Variants in GMPS observed in about 807,000 individuals in gnomAD.
GMPS encodes the protein GMP synthase [glutamine-hydrolyzing].
GMPS carries 15 observed loss-of-function variants against 77.9 expected under a neutral mutation model. The ratio of observed to expected loss-of-function variants is 0.19; its 90% CI spans 0.13 to 0.30. The LOEUF is 0.30. Among genes scored for constraint, GMPS ranks in the 10% least tolerant of loss-of-function variants. The pLI, the probability that GMPS is intolerant of heterozygous loss-of-function variation, is 1.00. For missense variants in GMPS, 590 were observed against 838.8 expected, an observed-to-expected ratio of 0.70 and a Z score of 3.66; for synonymous variants, 224 against 275.9, an observed-to-expected ratio of 0.81 and a Z score of 1.86.
At chr3:155,924,891 T>TA (rs201051032) in intron 11 of GMPS, among the ~76,000 whole-genome samples, 12 of 150,902 alleles carry the variant, frequency 8.0e-5, no homozygotes, top group East Asian at 5.8e-4. Flanking sequence ...ACCAGGTAAA[T>TA]AAAAAAAAAG....
intron 2 of GMPS, 132 bp downstream of exon 2, chr3:155,893,831 G>T: frequency 1.8e-6 from 1 of 558,790 alleles, no homozygotes; most frequent in Non-Finnish European, 3.0e-6. Context: ...AATTTCCCAT[G>T]GCTCTGATTT....
chr3:155,875,692 A>C (rs1703989760), intron 1 of GMPS, among the ~76,000 whole-genome samples: 1 of 152,254 alleles, frequency 6.6e-6, no homozygotes, highest in Non-Finnish European at 1.5e-5. Context: ...TGGCATATAC[A>C]ATTCTGGGTT....
At chr3:155,884,574 T>G (rs895927592) in intron 1 of GMPS, among the ~76,000 whole-genome samples, 2 of 152,122 alleles carry the variant, frequency 1.3e-5, no homozygotes, top group Non-Finnish European at 2.9e-5. Flanking sequence ...AGGGGAAAAT[T>G]GGCGTTGTTT....
chr3:155,894,059 C>G (rs1754535853), intron 2 of GMPS, among the ~76,000 whole-genome samples: 1 of 152,124 alleles, frequency 6.6e-6, no homozygotes, highest in African/African-American at 2.4e-5. Context: ...AATCTGTGTA[C>G]AATAAGTGTT....
At chr3:155,893,418 C>T in intron 1 of GMPS, 100 bp from the exon 2 acceptor site, 5 of 720,916 alleles carry the variant, frequency 6.9e-6, no homozygotes, top group East Asian at 5.7e-5. Flanking sequence ...GTTTTCATTC[C>T]TATGTGTTTT....
chr3:155,925,889 A>G (rs537749534), intron 12 of GMPS, among the ~76,000 whole-genome samples: 1 of 152,328 alleles, frequency 6.6e-6, no homozygotes, highest in African/African-American at 2.4e-5. Flanking sequence ...ACTAGGGAAC[A>G]CATTCTACTG....
intron 3 of GMPS, among the ~76,000 whole-genome samples, chr3:155,903,560 A>G (rs1754785495): frequency 6.6e-6 from 1 of 152,214 alleles, no homozygotes; most frequent in Admixed American, 6.5e-5. Flanking sequence ...TAATTAAGAT[A>G]TCTCTATTTT....
chr3:155,906,143 AT>A lies in GMPS; in HGVS notation c.423-11del. 6.9e-7 allele frequency: 1 copy of A among 1,440,174 alleles called. No homozygotes were observed. Among genetic ancestry groups the A allele is most frequent in the East Asian group, 2.3e-5 (1 of 42,630 alleles). 89.2% of individuals were successfully genotyped at this position (1,440,174 alleles called of 1,614,324 possible). On this transcript the variant is annotated splice_polypyrimidine_tract_variant and intron_variant, in intron 4 of 15. Transcript: ENST00000496455. ...TTTAATTAAGATATTTGTGTGTTTT[AT>A]TTTTTGTATGTTTAGGGGCCTTCAG...
chr3:155,898,017 T>C lies in GMPS; in HGVS notation c.300T>C (p.Val100=), dbSNP rs201792978. ...CAATATTCACTATTGGCAAGCCTGTTCTTGGAATTTGCTATGGTATGCAGG... is the reference window on the plus strand; with the variant it reads ...CAATATTCACTATTGGCAAGCCTGTCCTTGGAATTTGCTATGGTATGCAGG... ...DPAIFTIGKP[V]LGICYGMQMM... The change falls in exon 3 of 16, where the codon GTT becomes GTC. Residue 100 remains valine, a synonymous_variant. Transcript: ENST00000496455. 9.7e-5 allele frequency: 156 copies of C among 1,603,228 alleles called. 1 individual carries two copies. Among genetic ancestry groups the C allele is most frequent in the Non-Finnish European group, 1.1e-4 (130 of 1,170,326 alleles).
upstream of GMPS, among the ~76,000 whole-genome samples, chr3:155,869,748 C>T (rs1753857027): frequency 1.3e-5 from 2 of 152,142 alleles, no homozygotes; most frequent in South Asian, 4.1e-4. Flanking sequence ...TCCTTAATAC[C>T]CTAGCTACAG....
chr3:155,906,931 ACTTG>A (rs1459812475), intron 5 of GMPS, among the ~76,000 whole-genome samples: 2 of 152,090 alleles, frequency 1.3e-5, no homozygotes, highest in Non-Finnish European at 2.9e-5. Context: ...TGGGGTTTTG[ACTTG>A]CTTACCTGAA....
In GMPS at chr3:155,936,198, G is replaced by T. The variant is rs1755761535; in HGVS notation, c.1808-140G>T. 4 of 611,198 alleles carry T rather than the reference G, an allele frequency of 6.5e-6. No individual in the cohort carries two copies. The East Asian group carries it at 1.1e-4, about 17-fold the overall frequency. 37.9% of individuals were successfully genotyped at this position (611,198 alleles called of 1,614,324 possible). A position where few individuals can be genotyped will look rare whatever the true frequency, so the allele number is the denominator to read the frequency against. The stretch of plus-strand genomic sequence containing the variant: ...CATTTAAAATGCTCTGCGAGTAGCT[G>T]AAATCAATGCATGATGACAGTCTTA... On this transcript the variant is annotated intron_variant, in intron 14 of 15. Transcript: ENST00000496455.
intron 10 of GMPS, among the ~76,000 whole-genome samples, chr3:155,920,890 G>T (rs1038426609): frequency 2.0e-5 from 3 of 152,160 alleles, no homozygotes; most frequent in African/African-American, 7.2e-5. Flanking sequence ...TAAAGCAGCA[G>T]GATCCAGTTT....
Position 155,870,808 on chromosome 3 carries a change from C to G in GMPS, c.-63C>G. ...CCTCAGCCCGCGGCGCCGACCCTTCCGGCACCCTCCCGCCCCGTCTCGTAC... is the reference window on the plus strand; with the variant it reads ...CCTCAGCCCGCGGCGCCGACCCTTCGGGCACCCTCCCGCCCCGTCTCGTAC... On this transcript the variant is annotated 5_prime_UTR_variant, in exon 1 of 16. Coordinates refer to ENST00000496455, the MANE Select transcript of GMPS (RefSeq NM_003875.3). 8.4e-7 allele frequency: 1 copy of G among 1,184,562 alleles called. No individual in the cohort carries two copies. The highest frequency in any genetic ancestry group is 1.6e-5 in the African/African-American group (1 of 63,254). 73.4% of individuals were successfully genotyped at this position (1,184,562 alleles called of 1,614,324 possible).
intron 4 of GMPS, among the ~76,000 whole-genome samples, chr3:155,905,228 C>A (rs1754843877): frequency 6.6e-6 from 1 of 152,072 alleles, no homozygotes; most frequent in African/African-American, 2.4e-5. Context: ...TGGTCTTGAA[C>A]TCCCGATCTC....
At chr3:155,904,927 A>T (rs1176364582) in intron 4 of GMPS, among the ~76,000 whole-genome samples, 1 of 152,140 alleles carries the variant, frequency 6.6e-6, no homozygotes, top group Non-Finnish European at 1.5e-5. Context: ...ACCCCAAAAT[A>T]TCTTTTTGAC....
At chr3:155,884,043 T>G (rs1369493192) in intron 1 of GMPS, among the ~76,000 whole-genome samples, 7 of 151,282 alleles carry the variant, frequency 4.6e-5, no homozygotes, top group Non-Finnish European at 8.8e-5. Context: ...ATAATAAAGA[T>G]TTTAATCTTT....
At chr3:155,871,653 C>A (rs778201495) in intron 1 of GMPS, among the ~76,000 whole-genome samples, 1 of 152,230 alleles carries the variant, frequency 6.6e-6, no homozygotes, top group African/African-American at 2.4e-5. Flanking sequence ...TGCTCCCTGT[C>A]GAGCTTGCTG....
In GMPS at chr3:155,935,067, A is replaced by G. The variant is rs1469238998; in HGVS notation, c.1807+21A>G. The G allele has an allele frequency of 1.8e-5, 29 of 1,579,818 alleles. No homozygotes were observed. The Admixed American group carries it at 4.5e-4, about 25-fold the overall frequency. ...GTCTGGTAAGTTGCTCATGTTTTTG[A>G]TTACTACCCTCTGAAACTAGTTTTT... On this transcript the variant is annotated intron_variant, in intron 14 of 15. Transcript: ENST00000496455.
Sources: allele counts gnomAD v4.1 joint callset (sites outside exome capture counted in the v4.1 genomes callset), GRCh38; gene constraint gnomAD v4.1.1; transcripts MANE v1.5; gene names NCBI Gene and HGNC (gene_info 2026-07-23, HGNC 2026-07-21).